The following MYO18A variants were observed in gnomAD, a reference collection of about 807,000 sequenced individuals.
MYO18A encodes the protein myosin XVIIIA.
MYO18A carries 78 observed loss-of-function variants against 235.8 expected under a neutral mutation model. The observed-to-expected ratio is 0.33, with a 90% CI of 0.28 to 0.40. MYO18A has a LOEUF of 0.40. Ranked by LOEUF, MYO18A falls within the 10% of genes least tolerant of loss-of-function variation. The pLI, the probability that MYO18A is intolerant of heterozygous loss-of-function variation, is 1.00. For synonymous variants in MYO18A, 977 were observed against 1,077.8 expected, an observed-to-expected ratio of 0.91 and a Z score of 1.83; for missense variants, 2,215 against 2,699.3, an observed-to-expected ratio of 0.82 and a Z score of 3.98.
In MYO18A at chr17:29,086,806, C is replaced by T. The variant is rs540892239; in HGVS notation, c.5712+130G>A. On this transcript the variant is annotated intron_variant, in intron 38 of 41. Coordinates refer to ENST00000527372, the MANE Select transcript of MYO18A (RefSeq NM_078471.4). The stretch of plus-strand genomic sequence containing the variant: ...GGCCTGCCCTCTTGATATGCTCCTC[C>T]TCCCTCCCATTCTCTGACTCATGTG... The T allele has an allele frequency of 2.8e-4, 339 of 1,220,734 alleles. No homozygotes were observed. In the African/African-American group the frequency reaches 4.5e-3, roughly 16 times the overall value. 75.6% of individuals were successfully genotyped at this position (1,220,734 alleles called of 1,614,324 possible). A position where few individuals can be genotyped will look rare whatever the true frequency, so the allele number is the denominator to read the frequency against.
intron 23 of MYO18A, among the ~76,000 whole-genome samples, 166 bp downstream of exon 23, chr17:29,098,660 C>T (rs2066581571): frequency 6.6e-6 from 1 of 152,170 alleles, no homozygotes; most frequent in Non-Finnish European, 1.5e-5. Context: ...TCGTAAGAGG[C>T]TGTCCAGGGG....
At chr17:29,099,882 GA>G in intron 21 of MYO18A, 120 bp from the exon 22 acceptor site, 1 of 1,382,196 alleles carries the variant, frequency 7.2e-7, no homozygotes, top group South Asian at 1.5e-5. Flanking sequence ...GGCTTGGGAA[GA>G]GCCTCAAAAT....
At chr17:29,156,382 G>A (rs1255414470) in intron 2 of MYO18A, among the ~76,000 whole-genome samples, 1 of 152,204 alleles carries the variant, frequency 6.6e-6, no homozygotes. Context: ...GAGGCAGCCT[G>A]TCCCCAGGAC....
Position 29,090,799 on chromosome 17 carries a change from G to C in MYO18A, c.5304+11C>G, listed in dbSNP as rs2066379635. The C allele has an allele frequency of 1.2e-6, 2 of 1,609,868 alleles. No homozygotes were observed. The highest frequency in any genetic ancestry group is 1.3e-5 in the African/African-American group (1 of 74,874). ...GGTGCAGAGTGTGACGGGCACTCCT[G>C]GCAGGGGTACCTGAGCCACGGCAGC... is the stretch of plus-strand genomic sequence containing the variant. On this transcript the variant is annotated intron_variant, in intron 35 of 41. Transcript: ENST00000527372.
chr17:29,098,529 A>G, intron 23 of MYO18A, 84 bp from the exon 24 acceptor site: 1 of 1,485,478 alleles, frequency 6.7e-7, no homozygotes, highest in Non-Finnish European at 9.3e-7. Context: ...TAGTGAACGA[A>G]GCTGATGAAG....
chr17:29,141,687 T>G (rs2067742737), intron 2 of MYO18A, among the ~76,000 whole-genome samples: 2 of 152,256 alleles, frequency 1.3e-5, no homozygotes, highest in Non-Finnish European at 2.9e-5. Flanking sequence ...CACAGACTCT[T>G]AGGACACGGC....
At position 29,106,234 on chromosome 17, in the gene MYO18A, G is replaced by C. The variant is rs1160059250; in HGVS notation, c.3441+846C>G. Reference sequence around the variant, plus strand: ...AGGCTGGAATGGAGGCTGAGGGCCTGTGAGAAGGGGGCGTGGGACGGGCAT... The same window carrying C: ...AGGCTGGAATGGAGGCTGAGGGCCTCTGAGAAGGGGGCGTGGGACGGGCAT... On this transcript the variant is annotated intron_variant, in intron 20 of 41. Transcript: ENST00000527372. The surrounding 1 kb of genome is among the most constrained non-coding windows in gnomAD (Gnocchi z 4.6). Among the ~76,000 whole-genome samples, 1 of 152,176 alleles carries C rather than the reference G, an allele frequency of 6.6e-6. No individual in the cohort carries two copies. Among genetic ancestry groups the C allele is most frequent in the African/African-American group, 2.4e-5 (1 of 41,440 alleles).
intron 12 of MYO18A, 64 bp downstream of exon 12, chr17:29,115,600 G>T: frequency 6.6e-7 from 1 of 1,513,792 alleles, no homozygotes. Context: ...CCCGCCCCAG[G>T]GATGGCAGCA....
chr17:29,106,893 G>A lies in MYO18A; in HGVS notation c.3441+187C>T, dbSNP rs1345649003. Among the ~76,000 whole-genome samples the A allele has an allele frequency of 1.3e-5, 2 of 152,208 alleles. No individual in the cohort carries two copies. Among genetic ancestry groups the A allele is most frequent in the Non-Finnish European group, 2.9e-5 (2 of 68,028 alleles). On this transcript the variant is annotated intron_variant, in intron 20 of 41. Coordinates refer to ENST00000527372, the MANE Select transcript of MYO18A (RefSeq NM_078471.4). This position sits in a 1 kb window ranked among gnomAD's most constrained non-coding sequence, Gnocchi z 4.6. ...AGACACCCCCAGCTCAGGCCTCCAAGGAGGGGGTGGCTCTTCTCCAGCTCC... is the reference window on the plus strand; with the variant it reads ...AGACACCCCCAGCTCAGGCCTCCAAAGAGGGGGTGGCTCTTCTCCAGCTCC...
chr17:29,103,080 C>T (rs1171191629), intron 21 of MYO18A, among the ~76,000 whole-genome samples: 2 of 152,268 alleles, frequency 1.3e-5, no homozygotes, highest in Non-Finnish European at 2.9e-5. Flanking sequence ...GCCAGCGTGC[C>T]TGCATTTTAC....
Position 29,073,684 on chromosome 17 carries a change from T to G in MYO18A, c.*1086A>C. On this transcript the variant is annotated 3_prime_UTR_variant, in exon 42 of 42. Coordinates refer to ENST00000527372, the MANE Select transcript of MYO18A (RefSeq NM_078471.4). ...TGGTGGAGTTCTCAGGGATAACCTT[T>G]TTAGGGTGGGGGCTGGGACCTCCAG... 1.4e-6 allele frequency: 1 copy of G among 721,798 alleles called. No individual in the cohort carries two copies. The highest frequency in any genetic ancestry group is 2.3e-6 in the Non-Finnish European group (1 of 441,894). The allele number at this position is 721,798 out of a possible 1,614,324, so 44.7% of individuals were successfully genotyped here.
intron 2 of MYO18A, among the ~76,000 whole-genome samples, chr17:29,149,565 C>G (rs56064461): frequency 0.031 from 4,742 of 152,316 alleles, 172 homozygotes; most frequent in African/African-American, 0.087. Context: ...TTTTCGGGCA[C>G]AGAGCCCAAG....
chr17:29,161,507 C>CAAA (rs34979528), intron 2 of MYO18A, among the ~76,000 whole-genome samples: 1 of 118,364 alleles, frequency 8.4e-6, no homozygotes, highest in Non-Finnish European at 1.8e-5. Flanking sequence ...GACCCTGTCT[C>CAAA]AAAAAAAAAA....
rs891644283 is a variant in MYO18A at position 29,106,395 on chromosome 17, C to T, written c.3441+685G>A. Among the ~76,000 whole-genome samples the T allele has an allele frequency of 6.6e-6, 1 of 152,166 alleles. No individual in the cohort carries two copies. Among genetic ancestry groups the T allele is most frequent in the Non-Finnish European group, 1.5e-5 (1 of 68,032 alleles). ...GGGGCACACACAGAGGCAGGCTGGG[C>T]ACTCTGTGGGCTTTCTGCCCCATTC... is the stretch of plus-strand genomic sequence containing the variant. On this transcript the variant is annotated intron_variant, in intron 20 of 41. Transcript: ENST00000527372. This position sits in a 1 kb window ranked among gnomAD's most constrained non-coding sequence, Gnocchi z 4.6.
At chr17:29,167,491 C>T (rs1356978018) in intron 1 of MYO18A, among the ~76,000 whole-genome samples, 1 of 152,048 alleles carries the variant, frequency 6.6e-6, no homozygotes, top group East Asian at 1.9e-4. Flanking sequence ...GCAAGAGGAT[C>T]GATTGAGCCC....
chr17:29,107,600 T>A (rs1439855683), intron 19 of MYO18A: 1 of 105,098 alleles, frequency 9.5e-6, no homozygotes, highest in Non-Finnish European at 1.8e-5. Flanking sequence ...TGTCTTATGG[T>A]CTTAAAAAAA....
intron 2 of MYO18A, among the ~76,000 whole-genome samples, chr17:29,153,192 G>A (rs1379015701): frequency 6.6e-6 from 1 of 152,014 alleles, no homozygotes; most frequent in Non-Finnish European, 1.5e-5. Flanking sequence ...GTGCAATCAC[G>A]GCTCACTGCA....
chr17:29,098,332 G>A (rs1388033318), intron 24 of MYO18A, 24 bp downstream of exon 24: 24 of 1,613,164 alleles, frequency 1.5e-5, no homozygotes, highest in Non-Finnish European at 1.9e-5. Flanking sequence ...ATGCCCAGTC[G>A]GTGTGGTGCC....
chr17:29,138,007 C>T (rs1030708532), intron 2 of MYO18A, among the ~76,000 whole-genome samples: 1 of 152,192 alleles, frequency 6.6e-6, no homozygotes, highest in African/African-American at 2.4e-5. Context: ...GAGGGACTGT[C>T]AAGCCTCAGC....
Sources: gnomAD v4.1 joint callset for allele counts (sites outside exome capture counted in the v4.1 genomes callset) on GRCh38, gnomAD v4.1.1 for gene constraint, Gnocchi (gnomAD v3.1) non-coding constraint, MANE v1.5 for transcripts, NCBI Gene and HGNC (gene_info 2026-07-23, HGNC 2026-07-21) for gene names.